The following ACOT7 variants were observed in gnomAD, a reference collection of about 807,000 sequenced individuals.
ACOT7 encodes the protein cytosolic acyl coenzyme A thioester hydrolase.
Under a neutral mutation model 40.2 loss-of-function variants are expected in ACOT7, and 12 were observed. The observed-to-expected ratio is 0.30, with a 90% CI of 0.19 to 0.48. The LOEUF (loss-of-function observed/expected upper bound fraction) is 0.48. Among genes scored for constraint, ACOT7 ranks in the 20% least tolerant of loss-of-function variants. The pLI is 0.99. For missense variants in ACOT7, 395 were observed against 530.8 expected, an observed-to-expected ratio of 0.74 and a Z score of 2.51; for synonymous variants, 228 against 219.5, an observed-to-expected ratio of 1.04 and a Z score of -0.34.
At chr1:6,341,486 T>C (rs1641275860) in intron 2 of ACOT7, among the ~76,000 whole-genome samples, 1 of 146,138 alleles carries the variant, frequency 6.8e-6, no homozygotes, top group Non-Finnish European at 1.5e-5. Context: ...CTCACGCCTG[T>C]AATCCCAGCA....
chr1:6,313,788 C>T (rs966488693), intron 6 of ACOT7, among the ~76,000 whole-genome samples: 6 of 151,814 alleles, frequency 4.0e-5, no homozygotes, highest in East Asian at 3.9e-4. Flanking sequence ...GGCTGTGGAT[C>T]GCTCACAGCT....
intron 5 of ACOT7, 48 bp downstream of exon 5, chr1:6,327,251 C>A (rs1006001567): frequency 2.5e-6 from 4 of 1,583,028 alleles, no homozygotes; most frequent in East Asian, 4.5e-5. Flanking sequence ...GCCTCCTATG[C>A]GTCCCCGGTG....
At chr1:6,367,484 G>A (rs1642037950) in intron 1 of ACOT7, among the ~76,000 whole-genome samples, 1 of 152,220 alleles carries the variant, frequency 6.6e-6, no homozygotes, top group South Asian at 2.1e-4. Context: ...GTGTGTGAGT[G>A]AGCATGGAGT....
intron 3 of ACOT7, among the ~76,000 whole-genome samples, chr1:6,337,817 A>ATT (rs1201461999): frequency 6.6e-6 from 1 of 152,056 alleles, no homozygotes; most frequent in East Asian, 1.9e-4. Context: ...TTTACTAAAA[A>ATT]TACAAAAATT....
intron 6 of ACOT7, among the ~76,000 whole-genome samples, chr1:6,305,687 C>T (rs1187529390): frequency 3.3e-5 from 5 of 151,156 alleles, no homozygotes; most frequent in Admixed American, 6.6e-5. Context: ...CGGGCAGAGA[C>T]GCTCCTCACT....
chr1:6,368,780 G>A (rs1642070080), intron 1 of ACOT7, among the ~76,000 whole-genome samples: 1 of 152,148 alleles, frequency 6.6e-6, no homozygotes, highest in Non-Finnish European at 1.5e-5. Context: ...CAGCTGCCCG[G>A]GGAATGCAGG....
intron 2 of ACOT7, among the ~76,000 whole-genome samples, chr1:6,345,778 C>T (rs1260199418): frequency 3.3e-5 from 5 of 152,206 alleles, no homozygotes; most frequent in Admixed American, 2.6e-4. Context: ...ACTTGTAAAA[C>T]AGGGTTAAGA....
At chr1:6,386,072 T>TGAGTTCCACCTGGGCG (rs1272939879) in intron 1 of ACOT7, among the ~76,000 whole-genome samples, 1 of 152,128 alleles carries the variant, frequency 6.6e-6, no homozygotes, top group East Asian at 1.9e-4. Flanking sequence ...AGTAGAAGAA[T>TGAGTTCCACCTGGGCG]GAGTTCCACC....
At chr1:6,332,416 T>C (rs1640980466) in intron 4 of ACOT7, among the ~76,000 whole-genome samples, 1 of 152,194 alleles carries the variant, frequency 6.6e-6, no homozygotes, top group African/African-American at 2.4e-5. Context: ...ATTTCTTTAT[T>C]CCCAACGTCT....
At chr1:6,321,923 C>T (rs3789490) in intron 5 of ACOT7, among the ~76,000 whole-genome samples, 10,656 of 152,304 alleles carry the variant, frequency 0.07, 878 homozygotes, top group African/African-American at 0.2. Flanking sequence ...CCCCACTCCT[C>T]GTGGTATTGT....
intron 7 of ACOT7, among the ~76,000 whole-genome samples, chr1:6,287,686 G>A (rs1487447751): frequency 6.6e-6 from 1 of 152,162 alleles, no homozygotes; most frequent in South Asian, 2.1e-4. Flanking sequence ...CTCCAGGGGC[G>A]GCAGCAGCCA....
chr1:6,286,143 G>A (rs1639497377), intron 7 of ACOT7, among the ~76,000 whole-genome samples: 1 of 152,254 alleles, frequency 6.6e-6, no homozygotes. Flanking sequence ...GCTGCCTTGG[G>A]ATGGCTCCAC....
At chr1:6,283,083 C>A (rs572199570) in intron 7 of ACOT7, among the ~76,000 whole-genome samples, 5 of 151,966 alleles carry the variant, frequency 3.3e-5, no homozygotes, top group Non-Finnish European at 7.4e-5. Context: ...CACACGGGGG[C>A]CACCCATGAG....
intron 1 of ACOT7, among the ~76,000 whole-genome samples, chr1:6,390,935 AAAACAAAC>A (rs925929062): frequency 3.9e-5 from 6 of 152,002 alleles, no homozygotes; most frequent in Non-Finnish European, 7.4e-5. Flanking sequence ...GACTGTCTCA[AAAACAAAC>A]AAACAAACAA....
At chr1:6,380,321 C>T (rs968792712) in intron 1 of ACOT7, among the ~76,000 whole-genome samples, 4 of 151,332 alleles carry the variant, frequency 2.6e-5, no homozygotes, top group African/African-American at 7.3e-5. Context: ...ACCTTTCGGC[C>T]GGGTGTGGTG....
intron 4 of ACOT7, among the ~76,000 whole-genome samples, chr1:6,333,182 G>A (rs1369945578): frequency 1.3e-5 from 2 of 152,244 alleles, no homozygotes; most frequent in Non-Finnish European, 2.9e-5. Context: ...CGGGTTCTGG[G>A]CCAGCTTGCG....
At chr1:6,376,099 A>G (rs945036975) in intron 1 of ACOT7, among the ~76,000 whole-genome samples, 3 of 152,088 alleles carry the variant, frequency 2.0e-5, no homozygotes, top group Admixed American at 6.5e-5. Context: ...TATTAAAAGT[A>G]CAAAAATTAG....
At chr1:6,348,335 T>TAC (rs149269586) in intron 2 of ACOT7, among the ~76,000 whole-genome samples, 1,881 of 150,614 alleles carry the variant, frequency 0.012, 19 homozygotes, top group Middle Eastern at 0.038. Context: ...CATACGCAGA[T>TAC]ACACACACAC....
intron 6 of ACOT7, chr1:6,307,022 G>C: frequency 1.0e-6 from 1 of 982,952 alleles, no homozygotes; most frequent in Non-Finnish European, 1.4e-6. Flanking sequence ...TATAGTCTCA[G>C]GCTAAGCTGT....
Sources: allele counts gnomAD v4.1 joint callset (sites outside exome capture counted in the v4.1 genomes callset), GRCh38; gene constraint gnomAD v4.1.1; transcripts MANE v1.5; gene names NCBI Gene and HGNC (gene_info 2026-07-23, HGNC 2026-07-21).